LRRC4C: variants seen among roughly 807,000 people sequenced by gnomAD.
LRRC4C encodes the protein leucine rich repeat containing 4C.
LRRC4C carries 5 observed loss-of-function variants against 33.6 expected under a neutral mutation model. The ratio of observed to expected loss-of-function variants is 0.15; its 90% CI spans 0.08 to 0.31. LRRC4C has a LOEUF of 0.31. Among genes scored for constraint, LRRC4C ranks in the 10% least tolerant of loss-of-function variants. The pLI, the probability that LRRC4C is intolerant of heterozygous loss-of-function variation, is 1.00. For synonymous variants in LRRC4C, 329 were observed against 302.0 expected (o/e 1.09, Z -0.93); for missense variants, 560 against 796.7 (o/e 0.70, Z 3.58).
chr11:41,012,443 A>G (rs953452507), intron 1 of LRRC4C, among the ~76,000 whole-genome samples: 9 of 152,030 alleles, frequency 5.9e-5, no homozygotes, highest in African/African-American at 1.9e-4. Context: ...ATAATATTCA[A>G]TTGTGTATAT....
chr11:40,785,038 C>G (rs1440512655), intron 2 of LRRC4C, among the ~76,000 whole-genome samples: 1 of 152,118 alleles, frequency 6.6e-6, no homozygotes, highest in Non-Finnish European at 1.5e-5. Flanking sequence ...TAAAGCCCTG[C>G]TCATTAATTG....
chr11:40,121,175 G>A (rs1316731807), intron 6 of LRRC4C, among the ~76,000 whole-genome samples: 3 of 152,130 alleles, frequency 2.0e-5, no homozygotes, highest in East Asian at 1.9e-4. Flanking sequence ...TAAAACACAC[G>A]CAACAATGAT....
At chr11:40,359,807 A>G (rs1944993532) in intron 3 of LRRC4C, among the ~76,000 whole-genome samples, 2 of 152,182 alleles carry the variant, frequency 1.3e-5, no homozygotes, top group Admixed American at 1.3e-4. Context: ...CCGTCTAAAA[A>G]TTATCTATTT....
chr11:40,759,766 T>C (rs1245596299), intron 2 of LRRC4C, among the ~76,000 whole-genome samples: 2 of 152,024 alleles, frequency 1.3e-5, no homozygotes, highest in African/African-American at 4.8e-5. Flanking sequence ...GTTGATATAA[T>C]CTTTATACAT....
chr11:40,553,143 G>T (rs537616418), intron 3 of LRRC4C, among the ~76,000 whole-genome samples: 2 of 152,080 alleles, frequency 1.3e-5, no homozygotes, highest in Non-Finnish European at 2.9e-5. Flanking sequence ...GTAGTGACAG[G>T]CACCTGTAAA....
chr11:40,686,151 CTGGACA>C (rs1944942356), intron 2 of LRRC4C, among the ~76,000 whole-genome samples: 1 of 152,034 alleles, frequency 6.6e-6, no homozygotes, highest in Non-Finnish European at 1.5e-5. Context: ...CCTTGGGATC[CTGGACA>C]TGTTTCATGA....
intron 1 of LRRC4C, among the ~76,000 whole-genome samples, chr11:41,251,777 C>T (rs1948647392): frequency 1.3e-5 from 2 of 152,080 alleles, no homozygotes; most frequent in Admixed American, 1.3e-4. Context: ...ATGAACCACT[C>T]TTGTGGCTTT....
chr11:41,420,644 GA>G (rs1487294720), intron 1 of LRRC4C, among the ~76,000 whole-genome samples: 2 of 151,998 alleles, frequency 1.3e-5, no homozygotes, highest in Non-Finnish European at 2.9e-5. Context: ...TATTCAGTGA[GA>G]GAAGATACAT....
At chr11:40,678,243 A>G (rs1304735180) in intron 2 of LRRC4C, among the ~76,000 whole-genome samples, 3 of 152,082 alleles carry the variant, frequency 2.0e-5, no homozygotes, top group Non-Finnish European at 4.4e-5. Flanking sequence ...TCATCACCCA[A>G]GTAATGAGTA....
intron 2 of LRRC4C, among the ~76,000 whole-genome samples, chr11:40,661,450 A>AT (rs1943429139): frequency 6.6e-6 from 1 of 152,318 alleles, no homozygotes; most frequent in South Asian, 2.1e-4. Flanking sequence ...AATCATATCT[A>AT]TTTTTTAAAT....
At chr11:40,525,819 C>T (rs1718271174) in intron 3 of LRRC4C, among the ~76,000 whole-genome samples, 1 of 151,940 alleles carries the variant, frequency 6.6e-6, no homozygotes, top group Non-Finnish European at 1.5e-5. Flanking sequence ...AGGAAATATA[C>T]TCCCAGATAT....
rs113816370 is a variant in LRRC4C at position 40,329,086 on chromosome 11, C to T, written c.-269-9365G>A. Among the ~76,000 whole-genome samples, 262 of 152,222 alleles carry T rather than the reference C, an allele frequency of 1.7e-3. 6 individuals carry two copies. The highest frequency in any genetic ancestry group is 0.013 in the South Asian group (61 of 4,822). ...AAAAGTAGGCTTAGTGCAAATAGACCGTGAGTGAGTGACAAAATGCTACTC... is the reference window on the plus strand; with the variant it reads ...AAAAGTAGGCTTAGTGCAAATAGACTGTGAGTGAGTGACAAAATGCTACTC... On this transcript the variant is annotated intron_variant, in intron 3 of 6. Coordinates refer to ENST00000528697, the MANE Select transcript of LRRC4C (RefSeq NM_001258419.2).
chr11:40,360,684 T>G (rs1947907903), intron 3 of LRRC4C, among the ~76,000 whole-genome samples: 1 of 152,084 alleles, frequency 6.6e-6, no homozygotes, highest in African/African-American at 2.4e-5. Flanking sequence ...AGATAAAAAC[T>G]GTTTCCTCCT....
intron 5 of LRRC4C, among the ~76,000 whole-genome samples, chr11:40,170,087 A>T (rs1045604478): frequency 2.0e-5 from 3 of 152,228 alleles, no homozygotes; most frequent in Non-Finnish European, 4.4e-5. Context: ...ACAGAGTTCT[A>T]TTTTAACTGT....
chr11:40,354,145 A>G (rs1367939319), intron 3 of LRRC4C, among the ~76,000 whole-genome samples: 2 of 152,172 alleles, frequency 1.3e-5, no homozygotes, highest in African/African-American at 4.8e-5. Flanking sequence ...CTTCAATAAG[A>G]TCCATGAGAA....
intron 2 of LRRC4C, among the ~76,000 whole-genome samples, chr11:40,668,961 C>T (rs1591421023): frequency 1.3e-5 from 2 of 152,242 alleles, no homozygotes; most frequent in Non-Finnish European, 1.5e-5. Context: ...TGTTTTGATC[C>T]TTGGTTTGAT....
chr11:41,218,204 A>G (rs1472832933), intron 1 of LRRC4C, among the ~76,000 whole-genome samples: 2 of 152,088 alleles, frequency 1.3e-5, no homozygotes, highest in African/African-American at 2.4e-5. Flanking sequence ...TGTATAGTGC[A>G]TAGTTAAGAG....
chr11:41,360,643 C>G (rs957314974), intron 1 of LRRC4C, among the ~76,000 whole-genome samples: 2 of 152,080 alleles, frequency 1.3e-5, no homozygotes, highest in African/African-American at 2.4e-5. Flanking sequence ...GATAAATGAG[C>G]AGGGTAGAAT....
intron 2 of LRRC4C, among the ~76,000 whole-genome samples, chr11:40,686,506 C>A (rs918266787): frequency 1.3e-5 from 2 of 151,760 alleles, no homozygotes; most frequent in African/African-American, 4.8e-5. Context: ...GCGGCCCAGA[C>A]GTTGAGTATA....
Sources: allele counts gnomAD v4.1 joint callset (sites outside exome capture counted in the v4.1 genomes callset), GRCh38; gene constraint gnomAD v4.1.1; transcripts MANE v1.5; gene names NCBI Gene and HGNC (gene_info 2026-07-23, HGNC 2026-07-21).